The following SHANK2 variants were observed in gnomAD, a reference collection of about 807,000 sequenced individuals.
SHANK2 encodes SH3 and multiple ankyrin repeat domains 2, also known as SH3 and multiple ankyrin repeat domains protein 2.
SHANK2 carries 43 observed loss-of-function variants against 133.7 expected under a neutral mutation model. The observed-to-expected ratio is 0.32, with a 90% CI of 0.25 to 0.41. The LOEUF (loss-of-function observed/expected upper bound fraction) is 0.41. Ranked by LOEUF, SHANK2 falls within the 10% of genes least tolerant of loss-of-function variation. The pLI is 1.00. For synonymous variants in SHANK2, 1,017 were observed against 952.8 expected (o/e 1.07, Z -1.24); for missense variants, 1,994 against 2,235.8 (o/e 0.89, Z 2.18).
At chr11:71,114,035 T>C (rs1309581178) in intron 4 of SHANK2, among the ~76,000 whole-genome samples, 2 of 152,176 alleles carry the variant, frequency 1.3e-5, no homozygotes, top group East Asian at 3.8e-4. Flanking sequence ...TGGCTGGAGA[T>C]GCTGCAGAAG....
chr11:70,931,232 G>A (rs1464269308), intron 10 of SHANK2, among the ~76,000 whole-genome samples: 3 of 152,154 alleles, frequency 2.0e-5, no homozygotes, highest in Non-Finnish European at 2.9e-5. Flanking sequence ...TTAAGGGGAG[G>A]CTAGTGATAG....
chr11:71,064,227 G>A (rs1013396497), intron 9 of SHANK2, among the ~76,000 whole-genome samples: 7 of 152,248 alleles, frequency 4.6e-5, no homozygotes, highest in Non-Finnish European at 2.9e-5. Context: ...GGGCTGGAGA[G>A]GGGGCACAGA....
Position 70,487,548 on chromosome 11 carries a change from T to C in SHANK2, c.2745A>G (p.Arg915=). The change falls in exon 25 of 26, where the codon AGA becomes AGG. Residue 915 remains arginine (R), a synonymous_variant. Coordinates refer to ENST00000601538, the MANE Select transcript of SHANK2 (RefSeq NM_012309.5). This position sits in a 1 kb window ranked among gnomAD's most constrained non-coding sequence, Gnocchi z 5.8. ...TYNCPKSPTP[R]VYGTIKPAFN... ...ACGCAGGCTTAATCGTCCCGTAGAC[T>C]CTTGGAGTTGGGGACTTGGGGCAGT... 6.2e-7 allele frequency: 1 copy of C among 1,613,672 alleles called. No individual in the cohort carries two copies. The highest frequency in any genetic ancestry group is 8.5e-7 in the Non-Finnish European group (1 of 1,179,958).
Position 71,252,540 on chromosome 11 carries a change from G to A in SHANK2, c.-228C>T, listed in dbSNP as rs1190968771. 6.6e-6 allele frequency: 1 copy of A among 150,784 alleles called. No homozygotes were observed. Among genetic ancestry groups the A allele is most frequent in the African/African-American group, 2.4e-5 (1 of 41,252 alleles). The allele number at this position is 150,784 out of a possible 1,614,324, so 9.3% of individuals were successfully genotyped here. A position where few individuals can be genotyped will look rare whatever the true frequency, so the allele number is the denominator to read the frequency against. On this transcript the variant is annotated 5_prime_UTR_variant, in exon 1 of 26. Coordinates refer to ENST00000601538, the MANE Select transcript of SHANK2 (RefSeq NM_012309.5). This position sits in a 1 kb window ranked among gnomAD's most constrained non-coding sequence, Gnocchi z 6.3. ...CGCGCCCAGCCCCGCCGGAGCTCAG[G>A]AGCCGCCGCCGCGGCTCAGGTGCAG...
chr11:70,874,329 T>C (rs1949521435), intron 11 of SHANK2, among the ~76,000 whole-genome samples: 4 of 152,166 alleles, frequency 2.6e-5, no homozygotes, highest in African/African-American at 9.7e-5. Context: ...TCTATCTATC[T>C]ATCCATGATT....
intron 17 of SHANK2, among the ~76,000 whole-genome samples, chr11:70,562,991 C>A (rs2059925792): frequency 6.6e-6 from 1 of 152,166 alleles, no homozygotes; most frequent in Non-Finnish European, 1.5e-5. Flanking sequence ...CCTGCCTCAG[C>A]CTCCTGAACA....
chr11:70,530,884 G>A (rs1157585350), intron 17 of SHANK2, among the ~76,000 whole-genome samples: 4 of 152,104 alleles, frequency 2.6e-5, no homozygotes, highest in African/African-American at 9.7e-5. Context: ...CTGAGATTTT[G>A]TCCGGGCTTG....
intron 15 of SHANK2, among the ~76,000 whole-genome samples, chr11:70,690,488 G>GTTTTTTTTTTTTTTTTTTTTTTTTTT (rs35737323): frequency 3.0e-5 from 1 of 32,802 alleles, no homozygotes; most frequent in Non-Finnish European, 5.1e-5. Flanking sequence ...TACTTCCCAT[G>GTTTTTTTTTTTTTTTTTTTTTTTTTT]TTTTTTTTTT....
At chr11:70,736,727 C>T (rs1296557315) in intron 14 of SHANK2, among the ~76,000 whole-genome samples, 17 of 152,290 alleles carry the variant, frequency 1.1e-4, no homozygotes, top group African/African-American at 2.4e-4. Flanking sequence ...GAGAGTCACA[C>T]GGCTTCATTC....
intron 17 of SHANK2, among the ~76,000 whole-genome samples, chr11:70,509,600 A>G (rs1313536904): frequency 1.3e-5 from 2 of 152,118 alleles, no homozygotes; most frequent in Non-Finnish European, 2.9e-5. Flanking sequence ...GCTCTGACTC[A>G]GCCCACCCTG....
At chr11:71,104,012 TC>T (rs1951765382) in intron 6 of SHANK2, among the ~76,000 whole-genome samples, 1 of 151,826 alleles carries the variant, frequency 6.6e-6, no homozygotes, top group Admixed American at 6.6e-5. Context: ...CCCTGAGGCC[TC>T]CCCAGAAGCA....
At chr11:70,797,832 T>C (rs368547524) in intron 14 of SHANK2, among the ~76,000 whole-genome samples, 89 of 142,022 alleles carry the variant, frequency 6.3e-4, no homozygotes, top group South Asian at 1.7e-3. Context: ...TCCACTCTCA[T>C]ACACACACAC....
At position 70,473,292 on chromosome 11, in the gene SHANK2, G is replaced by T. The variant is rs782416398; in HGVS notation, c.5127C>A (p.Ser1709Arg). 1 of 1,614,018 alleles carries T rather than the reference G, an allele frequency of 6.2e-7. No individual in the cohort carries two copies. The highest frequency in any genetic ancestry group is 2.2e-5 in the East Asian group (1 of 44,872). ...SRTSGTRRAP[S>R]PVVSPTEMNK... is the part of the protein sequence containing the mutation. ...TCATCTCTGTTGGCGAGACCACAGGGCTTGGGGCACGTCTTGTTCCTGAGG... is the reference window on the plus strand; with the variant it reads ...TCATCTCTGTTGGCGAGACCACAGGTCTTGGGGCACGTCTTGTTCCTGAGG... Residue 1709 changes from serine (S) to arginine (R), a missense_variant, in exon 26 of 26, where the codon AGC becomes AGA. By Grantham distance (110) the Ser-to-Arg change is moderately radical (BLOSUM62 -1). Transcript: ENST00000601538. The surrounding 1 kb of genome is among the most constrained non-coding windows in gnomAD (Gnocchi z 5.9).
chr11:71,104,833 G>C (rs987028147), intron 6 of SHANK2, among the ~76,000 whole-genome samples: 1 of 152,236 alleles, frequency 6.6e-6, no homozygotes, highest in Non-Finnish European at 1.5e-5. Context: ...TGGGAAGCAG[G>C]GTGGTGTGAG....
chr11:70,921,468 C>T (rs1041588979), intron 10 of SHANK2, among the ~76,000 whole-genome samples: 17 of 152,194 alleles, frequency 1.1e-4, no homozygotes, highest in Admixed American at 5.9e-4. Flanking sequence ...AAACTGCAGA[C>T]CCGAAGGGGA....
chr11:70,923,941 C>T (rs180801231), intron 10 of SHANK2, among the ~76,000 whole-genome samples: 28 of 152,258 alleles, frequency 1.8e-4, no homozygotes, highest in African/African-American at 5.3e-4. Flanking sequence ...GAATGCAGAC[C>T]GGTGAACCAC....
chr11:70,798,312 G>GA (rs1439892701), intron 14 of SHANK2, 131 bp downstream of exon 14: 5 of 673,076 alleles, frequency 7.4e-6, no homozygotes, highest in Non-Finnish European at 1.4e-5. Context: ...CAAAGATCTA[G>GA]AAAGTCCTGA....
At position 70,825,583 on chromosome 11, in the gene SHANK2, C is replaced by T. The variant is rs1355908345; in HGVS notation, c.1175-4901G>A. Among the ~76,000 whole-genome samples, 7 of 152,280 alleles carry T rather than the reference C, an allele frequency of 4.6e-5. No individual in the cohort carries two copies. The East Asian group carries it at 7.7e-4, about 17-fold the overall frequency. On this transcript the variant is annotated intron_variant, in intron 11 of 25. Transcript: ENST00000601538. ...GAACATTTTAATGAAAATTACCTCG[C>T]GTAATTACCAAGATTCATATTAAAT...
chr11:70,486,375 G>C lies in SHANK2; in HGVS notation c.3918C>G (p.Ser1306=), dbSNP rs1050306196. The change falls in exon 25 of 26, where the codon TCC becomes TCG. Residue 1306 remains serine, a synonymous_variant. Transcript: ENST00000601538. The surrounding 1 kb of genome is among the most constrained non-coding windows in gnomAD (Gnocchi z 8.0). ...KNMLIDIMDT[S]QQKSAGLLMV... ...TCAGCAGGCCAGCCGACTTCTGCTGGGACGTGTCCATGATGTCGATCAGCA... is the reference window on the plus strand; with the variant it reads ...TCAGCAGGCCAGCCGACTTCTGCTGCGACGTGTCCATGATGTCGATCAGCA... 1 of 1,613,828 alleles carries C rather than the reference G, an allele frequency of 6.2e-7. No individual in the cohort carries two copies. Among genetic ancestry groups the C allele is most frequent in the African/African-American group, 1.3e-5 (1 of 74,876 alleles).
Sources: allele counts gnomAD v4.1 joint callset (sites outside exome capture counted in the v4.1 genomes callset), GRCh38; gene constraint gnomAD v4.1.1; non-coding constraint Gnocchi (gnomAD v3.1); transcripts MANE v1.5; gene names NCBI Gene and HGNC (gene_info 2026-07-23, HGNC 2026-07-21).